GNAL: variants seen among roughly 807,000 people sequenced by gnomAD.
GNAL encodes G protein subunit alpha L.
Under a neutral mutation model 55.1 loss-of-function variants are expected in GNAL, and 18 were observed. The ratio of observed to expected loss-of-function variants is 0.33; its 90% confidence interval spans 0.23 to 0.48. The LOEUF (loss-of-function observed/expected upper bound fraction) is 0.48. GNAL is among the 20% of genes least tolerant of loss of function. The pLI is 0.99. For missense variants in GNAL, 412 were observed against 614.1 expected (o/e 0.67, Z 3.48); for synonymous variants, 253 against 237.0 (o/e 1.07, Z -0.62).
At chr18:11,749,986 A>C (rs112861496) in intron 1 of GNAL, among the ~76,000 whole-genome samples, 39 of 152,254 alleles carry the variant, frequency 2.6e-4, no homozygotes, top group African/African-American at 8.9e-4. Flanking sequence ...GTATTATCGC[A>C]GTGGGAGCAT....
chr18:11,719,841 C>T (rs190373853), intron 1 of GNAL, among the ~76,000 whole-genome samples: 2 of 152,300 alleles, frequency 1.3e-5, no homozygotes, highest in Non-Finnish European at 2.9e-5. Flanking sequence ...GAGCTGCGCT[C>T]GCACCATGCT....
chr18:11,715,341 G>T (rs1473065922), intron 1 of GNAL, among the ~76,000 whole-genome samples: 1 of 150,954 alleles, frequency 6.6e-6, no homozygotes, highest in Non-Finnish European at 1.5e-5. Flanking sequence ...GGCACCTGTA[G>T]TCCCAGCTAC....
intron 4 of GNAL, among the ~76,000 whole-genome samples, chr18:11,802,416 A>G (rs1410702604): frequency 6.6e-6 from 1 of 152,062 alleles, no homozygotes; most frequent in Non-Finnish European, 1.5e-5. Flanking sequence ...TGAATTCCCC[A>G]CTGCCACCCT....
intron 7 of GNAL, 102 bp from the exon 8 acceptor site, chr18:11,867,066 T>A (rs767721539): frequency 2.3e-6 from 2 of 865,560 alleles, no homozygotes; most frequent in Non-Finnish European, 3.9e-6. Context: ...AAGACCCATG[T>A]GTGAACGCTG....
intron 5 of GNAL, among the ~76,000 whole-genome samples, chr18:11,842,673 TG>T (rs1372526546): frequency 1.3e-5 from 2 of 152,110 alleles, no homozygotes; most frequent in Non-Finnish European, 2.9e-5. Context: ...ATCGCTGATA[TG>T]ACAGGAGGTG....
intron 1 of GNAL, among the ~76,000 whole-genome samples, chr18:11,728,302 G>A (rs903494557): frequency 6.6e-6 from 1 of 152,096 alleles, no homozygotes; most frequent in East Asian, 1.9e-4. Context: ...AGGCATGATT[G>A]TTGTCTCATT....
chr18:11,771,682 G>A (rs1267413638), intron 4 of GNAL, among the ~76,000 whole-genome samples: 2 of 152,114 alleles, frequency 1.3e-5, no homozygotes, highest in Admixed American at 6.6e-5. Context: ...GGCAAGTGCA[G>A]TATGGCCAGC....
intron 4 of GNAL, among the ~76,000 whole-genome samples, chr18:11,815,943 C>T (rs536465853): frequency 9.2e-5 from 14 of 152,182 alleles, no homozygotes; most frequent in African/African-American, 2.9e-4. Flanking sequence ...ACTACATGCC[C>T]ACTAGAATAA....
intron 5 of GNAL, among the ~76,000 whole-genome samples, chr18:11,829,852 A>G (rs1413967049): frequency 6.6e-6 from 1 of 152,172 alleles, no homozygotes; most frequent in Non-Finnish European, 1.5e-5. Context: ...TCTACTAAAA[A>G]TACAAAAATT....
At chr18:11,862,509 G>GA in intron 6 of GNAL, 60 bp downstream of exon 6, 33 of 1,265,498 alleles carry the variant, frequency 2.6e-5, no homozygotes, top group Non-Finnish European at 3.8e-5. Flanking sequence ...TTTCCAATAT[G>GA]ATTTAATGAT....
chr18:11,699,380 T>TA (rs2031503583), intron 1 of GNAL, among the ~76,000 whole-genome samples: 1 of 151,466 alleles, frequency 6.6e-6, no homozygotes, highest in African/African-American at 2.4e-5. Flanking sequence ...GTTTTTTTTT[T>TA]ATTTTTGTAT....
At position 11,689,428 on chromosome 18, in the gene GNAL, G is replaced by A. The variant is rs1338668627; in HGVS notation, c.-136G>A. The A allele has an allele frequency of 1.0e-5, 4 of 384,472 alleles. No individual in the cohort carries two copies. The highest frequency in any genetic ancestry group is 6.3e-5 in the African/African-American group (3 of 47,522). 23.8% of individuals were successfully genotyped at this position (384,472 alleles called of 1,614,324 possible). A position where few individuals can be genotyped will look rare whatever the true frequency, so the allele number is the denominator to read the frequency against. ...CTTCCCGCAGCTGGCGGCCGGCAGC[G>A]CCGAACAGGGTCCGGGTGCAGCCCC... On this transcript the variant is annotated 5_prime_UTR_variant, in exon 1 of 12. Coordinates refer to ENST00000334049, the MANE Select transcript of GNAL (RefSeq NM_182978.4).
In GNAL at chr18:11,878,288, A is replaced by G. The variant is rs79333958; in HGVS notation, c.1230+1600A>G. Among the ~76,000 whole-genome samples the G allele has an allele frequency of 0.014, 2,167 of 152,148 alleles. 100 individuals carry two copies. In the East Asian group the frequency reaches 0.15, roughly 11 times the overall value. On this transcript the variant is annotated intron_variant, in intron 11 of 11. Coordinates refer to ENST00000334049, the MANE Select transcript of GNAL (RefSeq NM_182978.4). The stretch of plus-strand genomic sequence containing the variant: ...AACATATCGAGACCTCATCTCTACA[A>G]AAAATTTTAAAACGTACCTGGGTAT...
At chr18:11,756,142 A>G (rs1422677265) in intron 4 of GNAL, among the ~76,000 whole-genome samples, 3 of 152,176 alleles carry the variant, frequency 2.0e-5, no homozygotes, top group African/African-American at 4.8e-5. Flanking sequence ...TTGATGAGGC[A>G]TCCCATATTC....
At position 11,689,751 on chromosome 18, in the gene GNAL, G is replaced by A; in HGVS notation, c.188G>A (p.Cys63Tyr). Reference sequence around the variant, plus strand: ...CGGGGCGGCGAAGGGAGCCCGGCATGCGCTCGGCCCAAAGCAGACAAGCCG... The same window carrying A: ...CGGGGCGGCGAAGGGAGCCCGGCATACGCTCGGCCCAAAGCAGACAAGCCG... Reference protein sequence around the residue: ...LPRGGEGSPACARPKADKPKE... With the variant: ...LPRGGEGSPAYARPKADKPKE... The change falls in exon 1 of 12, where the codon TGC (cysteine) becomes TAC (tyrosine). Residue 63 changes from cysteine (C) to tyrosine (Y), a missense_variant. Physicochemically the swap from Cys to Tyr is radical, Grantham distance 194 (BLOSUM62 -2). Transcript: ENST00000334049. 4 of 1,509,918 alleles carry A rather than the reference G, an allele frequency of 2.6e-6. No homozygotes were observed. The highest frequency in any genetic ancestry group is 1.2e-5 in the South Asian group (1 of 81,208). 93.5% of individuals were successfully genotyped at this position (1,509,918 alleles called of 1,614,324 possible). A position where few individuals can be genotyped will look rare whatever the true frequency, so the allele number is the denominator to read the frequency against.
chr18:11,875,203 G>A (rs1009975787), intron 10 of GNAL, among the ~76,000 whole-genome samples: 1 of 152,150 alleles, frequency 6.6e-6, no homozygotes, highest in Non-Finnish European at 1.5e-5. Flanking sequence ...GGCCCTGCCA[G>A]TGCTGCCCCC....
In GNAL at chr18:11,752,958, G is replaced by A. The variant is rs1295266190; in HGVS notation, c.449+33G>A. The A allele has an allele frequency of 2.3e-6, 3 of 1,307,308 alleles. No individual in the cohort carries two copies. Among genetic ancestry groups the A allele is most frequent in the Non-Finnish European group, 3.3e-6 (3 of 903,944 alleles). 81.0% of individuals were successfully genotyped at this position (1,307,308 alleles called of 1,614,324 possible). A position where few individuals can be genotyped will look rare whatever the true frequency, so the allele number is the denominator to read the frequency against. ...TGTTCAGTTTGCTTCCAAACTGCAT[G>A]CAAACTTCGTCTCTCTCCCAGACGT... On this transcript the variant is annotated intron_variant, in intron 2 of 11. Transcript: ENST00000334049. This position sits in a 1 kb window ranked among gnomAD's most constrained non-coding sequence, Gnocchi z 4.5.
intron 4 of GNAL, among the ~76,000 whole-genome samples, chr18:11,765,616 C>G (rs2033381226): frequency 6.6e-6 from 1 of 152,160 alleles, no homozygotes. Context: ...TCTCTACTTC[C>G]ATGAGGTCCA....
chr18:11,708,435 C>T (rs140429894), intron 1 of GNAL, among the ~76,000 whole-genome samples: 2 of 152,238 alleles, frequency 1.3e-5, no homozygotes, highest in East Asian at 3.9e-4. Flanking sequence ...CTATACGTGA[C>T]ACCTCAAAAC....
Sources: gnomAD v4.1 joint callset for allele counts (sites outside exome capture counted in the v4.1 genomes callset) on GRCh38, gnomAD v4.1.1 for gene constraint, Gnocchi (gnomAD v3.1) non-coding constraint, MANE v1.5 for transcripts, NCBI Gene and HGNC (gene_info 2026-07-23, HGNC 2026-07-21) for gene names.